The following PTGER3 variants were observed in gnomAD, a reference collection of about 807,000 sequenced individuals.
PTGER3 encodes the protein prostaglandin E2 receptor EP3 subtype.
A neutral mutation model predicts 34.7 loss-of-function variants in PTGER3; 22 were observed. That is an observed-to-expected ratio of 0.63 (90% CI 0.45 to 0.91). The LOEUF (loss-of-function observed/expected upper bound fraction) is 0.91, where lower values mean the gene tolerates loss of function less well. Among genes scored for constraint, PTGER3 ranks in the 40% least tolerant of loss-of-function variants. PTGER3 has a pLI of 0.00. For synonymous variants in PTGER3, 241 were observed against 230.1 expected, an observed-to-expected ratio of 1.05 and a Z score of -0.43; for missense variants, 468 against 519.4, an observed-to-expected ratio of 0.90 and a Z score of 0.96.
At chr1:70,995,882 T>C (rs1283749010) in intron 2 of PTGER3, among the ~76,000 whole-genome samples, 1 of 152,222 alleles carries the variant, frequency 6.6e-6, no homozygotes, top group Non-Finnish European at 1.5e-5. Context: ...TATAAATGAT[T>C]GCATTCCTAC....
chr1:70,932,563 G>A (rs965305002), intron 4 of PTGER3, among the ~76,000 whole-genome samples: 1 of 152,106 alleles, frequency 6.6e-6, no homozygotes, highest in Non-Finnish European at 1.5e-5. Context: ...TTACATGGTG[G>A]CGGCAAGAGA....
At chr1:70,963,360 C>T (rs549426723) in intron 2 of PTGER3, among the ~76,000 whole-genome samples, 3 of 152,296 alleles carry the variant, frequency 2.0e-5, no homozygotes, top group African/African-American at 7.2e-5. Context: ...TCAGTGGGGA[C>T]TCTGCATGGG....
At chr1:70,853,007 C>CAA in intron 4 of PTGER3, 4 of 953,522 alleles carry the variant, frequency 4.2e-6, no homozygotes, top group Non-Finnish European at 6.5e-6. Flanking sequence ...AGAACAAGAA[C>CAA]AAGAACGAAG....
At chr1:71,038,025 A>G (rs182989976) in intron 1 of PTGER3, among the ~76,000 whole-genome samples, 2 of 152,332 alleles carry the variant, frequency 1.3e-5, no homozygotes, top group Admixed American at 1.3e-4. Context: ...TTACCAGTGA[A>G]ATTTCATACA....
At position 70,971,209 on chromosome 1, in the gene PTGER3, A is replaced by T; in HGVS notation, c.*521T>A. 1.0e-6 allele frequency: 1 copy of T among 985,362 alleles called. No individual in the cohort carries two copies. The highest frequency in any genetic ancestry group is 4.7e-5 in the South Asian group (1 of 21,278). 61.0% of individuals were successfully genotyped at this position (985,362 alleles called of 1,614,324 possible). ...AAACATTAATCATAATTGGGCACAA[A>T]TATTTTTTGTCACGATTCCCTCCTG... On this transcript the variant is annotated 3_prime_UTR_variant, in exon 4 of 4. Coordinates refer to ENST00000306666, the MANE Select transcript of PTGER3 (RefSeq NM_198719.2).
intron 4 of PTGER3, among the ~76,000 whole-genome samples, chr1:70,879,827 A>G (rs557307958): frequency 1.2e-4 from 18 of 152,164 alleles, no homozygotes; most frequent in African/African-American, 4.3e-4. Context: ...CAGGTGCAGT[A>G]GCTCACACTT....
chr1:70,937,905 G>A (rs1421332095), intron 4 of PTGER3, among the ~76,000 whole-genome samples: 1 of 152,004 alleles, frequency 6.6e-6, no homozygotes, highest in African/African-American at 2.4e-5. Context: ...TAGAAAGGTG[G>A]TTTTATAGTT....
At chr1:70,880,533 T>TA (rs1169349702) in intron 4 of PTGER3, among the ~76,000 whole-genome samples, 1 of 151,376 alleles carries the variant, frequency 6.6e-6, no homozygotes, top group Non-Finnish European at 1.5e-5. Flanking sequence ...CTACTAAAAA[T>TA]AAAAAAATTA....
chr1:70,937,363 G>T (rs551484875), intron 4 of PTGER3, among the ~76,000 whole-genome samples: 1 of 152,208 alleles, frequency 6.6e-6, no homozygotes, highest in East Asian at 1.9e-4. Flanking sequence ...TTTATTTGGC[G>T]GGCACTAGGT....
chr1:70,981,315 CCTTTCTTCTTTCTTTCT>C (rs1557708574), intron 2 of PTGER3, among the ~76,000 whole-genome samples: 2,585 of 94,062 alleles, frequency 0.027, 62 homozygotes, highest in African/African-American at 0.034. Context: ...TTCCTTCCTT[CCTTTCTTCTTTCTTTCT>C]TTCTTTCTTT....
At position 70,958,053 on chromosome 1, in the gene PTGER3, C is replaced by T. The variant is rs184248111; in HGVS notation, c.1078-4264G>A. Among the ~76,000 whole-genome samples the T allele has an allele frequency of 1.6e-3, 244 of 152,094 alleles. 2 individuals are homozygous for T. The highest frequency in any genetic ancestry group is 5.7e-3 in the African/African-American group (236 of 41,480). ...TAAATGGTATTCTATTGTGTGTCTG[C>T]ATGTGTGTGTGTTTGTGTGTATAAC... is the stretch of plus-strand genomic sequence containing the variant. On this transcript the variant is annotated intron_variant, in intron 2 of 3. Transcript: ENST00000356595.
At chr1:70,859,299 CAT>C (rs750710395) in intron 4 of PTGER3, among the ~76,000 whole-genome samples, 3 of 152,184 alleles carry the variant, frequency 2.0e-5, no homozygotes, top group South Asian at 2.1e-4. Context: ...AGATTTGCCA[CAT>C]GATTTTAGTT....
chr1:71,007,246 C>T (rs2100837098), intron 2 of PTGER3: 2 of 985,244 alleles, frequency 2.0e-6, no homozygotes, highest in South Asian at 9.4e-5. Flanking sequence ...TACTTACATT[C>T]ATTTGTTACA....
intron 2 of PTGER3, chr1:71,007,694 A>G: frequency 1.0e-6 from 1 of 985,364 alleles, no homozygotes; most frequent in African/African-American, 1.7e-5. Flanking sequence ...TAACATTACA[A>G]CTTTGATTTC....
chr1:71,023,940 C>T (rs1557751902), intron 1 of PTGER3, among the ~76,000 whole-genome samples: 1 of 151,808 alleles, frequency 6.6e-6, no homozygotes, highest in Non-Finnish European at 1.5e-5. Flanking sequence ...ATTTGTTGGC[C>T]TCCATCTGGC....
intron 2 of PTGER3, among the ~76,000 whole-genome samples, chr1:70,954,100 C>T (rs953362975): frequency 2.6e-5 from 4 of 152,144 alleles, no homozygotes; most frequent in Admixed American, 1.3e-4. Flanking sequence ...TCCTCTGTCA[C>T]ACGCTGCTCC....
At chr1:70,882,229 G>C (rs1004174556) in intron 4 of PTGER3, among the ~76,000 whole-genome samples, 1 of 152,208 alleles carries the variant, frequency 6.6e-6, no homozygotes, top group Admixed American at 6.5e-5. Context: ...GCATGGGTGT[G>C]TGGTGTCACC....
intron 4 of PTGER3, among the ~76,000 whole-genome samples, chr1:70,891,375 C>G (rs886835570): frequency 6.6e-6 from 1 of 152,176 alleles, no homozygotes; most frequent in African/African-American, 2.4e-5. Context: ...AGATGCCATC[C>G]TCAGACCTAC....
chr1:70,951,088 C>T (rs1265265171), downstream of PTGER3: 1 of 152,102 alleles, frequency 6.6e-6, no homozygotes, highest in African/African-American at 2.4e-5. Context: ...TTTAATGTGT[C>T]CAATAGAAAC....
Sources: gnomAD v4.1 joint callset for allele counts (sites outside exome capture counted in the v4.1 genomes callset) on GRCh38, gnomAD v4.1.1 for gene constraint, MANE v1.5 for transcripts, NCBI Gene and HGNC (gene_info 2026-07-23, HGNC 2026-07-21) for gene names.